The following NCOA2 variants were observed in gnomAD, a reference collection of about 807,000 sequenced individuals.
NCOA2 encodes nuclear receptor coactivator 2, also known as class E basic helix-loop-helix protein 75.
A neutral mutation model predicts 145.1 loss-of-function variants in NCOA2; 21 were observed. The ratio of observed to expected loss-of-function variants is 0.14; its 90% CI spans 0.10 to 0.21. The LOEUF (loss-of-function observed/expected upper bound fraction) is 0.21, where lower values mean the gene tolerates loss of function less well. Ranked by LOEUF, NCOA2 falls within the 10% of genes least tolerant of loss-of-function variation. NCOA2 has a pLI of 1.00. For missense variants in NCOA2, 1,472 were observed against 1,837.6 expected, an observed-to-expected ratio of 0.80 and a Z score of 3.64; for synonymous variants, 619 against 637.5, an observed-to-expected ratio of 0.97 and a Z score of 0.44.
intron 2 of NCOA2, among the ~76,000 whole-genome samples, chr8:70,275,231 CTTAA>C (rs1183133593): frequency 2.6e-5 from 4 of 152,196 alleles, no homozygotes; most frequent in East Asian, 3.9e-4. Context: ...AAACTGTATT[CTTAA>C]TTAACCACAG....
intron 15 of NCOA2, among the ~76,000 whole-genome samples, chr8:70,134,806 T>C (rs1809541361): frequency 6.6e-6 from 1 of 152,192 alleles, no homozygotes; most frequent in African/African-American, 2.4e-5. Context: ...AATGCAGAGA[T>C]TAAAAAGTTA....
intron 1 of NCOA2, among the ~76,000 whole-genome samples, chr8:70,319,701 T>C (rs2136137314): frequency 6.6e-6 from 1 of 152,316 alleles, no homozygotes; most frequent in African/African-American, 2.4e-5. Context: ...AAAATTATTG[T>C]TAAAAATGTT....
chr8:70,200,455 C>G (rs1007990000), intron 4 of NCOA2, among the ~76,000 whole-genome samples: 2 of 152,174 alleles, frequency 1.3e-5, no homozygotes, highest in Non-Finnish European at 2.9e-5. Context: ...GGATTTTGCA[C>G]TGTAATTTAC....
chr8:70,351,762 T>C (rs943359791), intron 1 of NCOA2, among the ~76,000 whole-genome samples: 2 of 150,264 alleles, frequency 1.3e-5, no homozygotes, highest in Admixed American at 1.3e-4. Flanking sequence ...TTTTTTTTTT[T>C]TTTTTTTTTT....
At chr8:70,321,793 CTTTTTTTTTTTTTT>C (rs559680322) in intron 1 of NCOA2, among the ~76,000 whole-genome samples, 3 of 73,560 alleles carry the variant, frequency 4.1e-5, no homozygotes, top group African/African-American at 1.3e-4. Context: ...CAGAATATAC[CTTTTTTTTTTTTTT>C]TTTTTTTTTT....
At chr8:70,182,645 T>C (rs1815617136) in intron 4 of NCOA2, among the ~76,000 whole-genome samples, 2 of 152,174 alleles carry the variant, frequency 1.3e-5, no homozygotes, top group Non-Finnish European at 2.9e-5. Context: ...CATATTACTA[T>C]GTAATAGCCC....
intron 4 of NCOA2, among the ~76,000 whole-genome samples, chr8:70,197,508 G>A (rs1817454710): frequency 6.6e-6 from 1 of 152,208 alleles, no homozygotes; most frequent in Admixed American, 6.5e-5. Context: ...TGCACAGCCT[G>A]AGAGCCCCAC....
intron 2 of NCOA2, among the ~76,000 whole-genome samples, chr8:70,290,529 T>C (rs548860844): frequency 3.3e-5 from 5 of 152,160 alleles, no homozygotes; most frequent in African/African-American, 1.2e-4. Flanking sequence ...ATTCATGAAA[T>C]AGCAAACAAG....
At chr8:70,226,272 G>A (rs1234276383) in intron 2 of NCOA2, among the ~76,000 whole-genome samples, 5 of 152,088 alleles carry the variant, frequency 3.3e-5, no homozygotes, top group African/African-American at 1.2e-4. Flanking sequence ...GAAAGAACAG[G>A]AGGGAGAGAG....
intron 1 of NCOA2, among the ~76,000 whole-genome samples, chr8:70,340,613 T>C (rs777333139): frequency 5.3e-5 from 8 of 152,162 alleles, no homozygotes; most frequent in Non-Finnish European, 8.8e-5. Context: ...CAAAGGAATA[T>C]AAATCATTCT....
At chr8:70,171,811 C>T (rs549346199) in intron 5 of NCOA2, among the ~76,000 whole-genome samples, 2 of 151,708 alleles carry the variant, frequency 1.3e-5, no homozygotes, top group East Asian at 1.9e-4. Context: ...CACAGGTATG[C>T]ACCACCACAC....
intron 1 of NCOA2, among the ~76,000 whole-genome samples, chr8:70,351,681 G>C (rs977965982): frequency 1.3e-5 from 2 of 148,984 alleles, no homozygotes; most frequent in African/African-American, 5.0e-5. Context: ...AAACTCCTAG[G>C]CTCCAGCAAT....
chr8:70,159,679 C>T (rs1309502840), intron 9 of NCOA2, 27 bp from the exon 10 acceptor site: 3 of 1,582,780 alleles, frequency 1.9e-6, no homozygotes, highest in Admixed American at 3.5e-5. Flanking sequence ...AAACAGAAGG[C>T]ACGTTTAGAA....
the NCOA2 span, among the ~76,000 whole-genome samples, chr8:70,436,105 CA>C: frequency 2.0e-5 from 3 of 151,924 alleles, no homozygotes; most frequent in Non-Finnish European, 4.4e-5. Context: ...ATTCTTTCCC[CA>C]AAAACTAGAT....
the NCOA2 span, among the ~76,000 whole-genome samples, chr8:70,445,271 C>A: frequency 2.0e-5 from 3 of 152,318 alleles, no homozygotes; most frequent in African/African-American, 7.2e-5. Flanking sequence ...TACAGCCTCA[C>A]AGCAAAGTCA....
chr8:70,124,231 G>T, intron 20 of NCOA2, 149 bp from the exon 21 acceptor site: 1 of 691,592 alleles, frequency 1.4e-6, no homozygotes, highest in Non-Finnish European at 2.4e-6. Context: ...CAGGTGGTGG[G>T]CTTGCTGAAG....
intron 1 of NCOA2, among the ~76,000 whole-genome samples, chr8:70,345,530 T>C (rs1808533121): frequency 1.3e-5 from 2 of 152,206 alleles, no homozygotes; most frequent in Admixed American, 6.5e-5. Context: ...AAGTACCTTG[T>C]AAAATCCTAT....
chr8:70,294,572 C>T (rs1374292740), intron 2 of NCOA2, among the ~76,000 whole-genome samples: 2 of 152,168 alleles, frequency 1.3e-5, no homozygotes, highest in African/African-American at 4.8e-5. Context: ...AAGTTAAGGT[C>T]TCCTAATGAA....
At chr8:70,413,037 G>T in the NCOA2 span, among the ~76,000 whole-genome samples, 136 of 150,766 alleles carry the variant, frequency 9.0e-4, 1 homozygote, top group African/African-American at 3.2e-3. Flanking sequence ...GGCAGTGGTT[G>T]CAGTGAGCTG....
Sources: gnomAD v4.1 joint callset for allele counts (sites outside exome capture counted in the v4.1 genomes callset) on GRCh38, gnomAD v4.1.1 for gene constraint, MANE v1.5 for transcripts, NCBI Gene and HGNC (gene_info 2026-07-23, HGNC 2026-07-21) for gene names.